Variants in NADK observed in about 807,000 individuals in gnomAD.
NADK encodes the protein NAD kinase.
NADK carries 22 observed loss-of-function variants against 49.8 expected under a neutral mutation model. The observed-to-expected ratio is 0.44, with a 90% CI of 0.32 to 0.63. The LOEUF (loss-of-function observed/expected upper bound fraction) is 0.63, where lower values mean the gene tolerates loss of function less well. Ranked by LOEUF, NADK falls within the 30% of genes least tolerant of loss-of-function variation. NADK has a pLI of 0.06. For missense variants in NADK, 438 were observed against 609.4 expected (o/e 0.72, Z 2.96); for synonymous variants, 268 against 253.7 (o/e 1.06, Z -0.54).
At chr1:1,761,460 T>G (rs1392537183) in intron 3 of NADK, among the ~76,000 whole-genome samples, 2 of 152,208 alleles carry the variant, frequency 1.3e-5, no homozygotes, top group East Asian at 1.9e-4. Context: ...AACACAGATA[T>G]CAGATCGATC....
At chr1:1,773,739 A>AGAGAAATAGAGATATT (rs1646127016) in intron 1 of NADK, among the ~76,000 whole-genome samples, 1 of 150,298 alleles carries the variant, frequency 6.7e-6, no homozygotes, top group Non-Finnish European at 1.5e-5. Flanking sequence ...TGAGAGAGAG[A>AGAGAAATAGAGATATT]GAGAAATAGA....
At chr1:1,765,661 C>T (rs1027664525) in intron 1 of NADK, among the ~76,000 whole-genome samples, 5 of 152,182 alleles carry the variant, frequency 3.3e-5, no homozygotes, top group African/African-American at 1.2e-4. Context: ...CCTGTCATCC[C>T]AGCACTTTGG....
chr1:1,771,693 C>G (rs369366529), intron 1 of NADK, among the ~76,000 whole-genome samples: 8 of 152,130 alleles, frequency 5.3e-5, no homozygotes, highest in East Asian at 1.9e-4. Context: ...TCTAAAAGAA[C>G]GAAGCCCAAC....
Position 1,766,225 on chromosome 1 carries a change from G to A in NADK, c.-40-779C>T, listed in dbSNP as rs113590193. ...GTTTGAGACCAGCCTGACCAACATG[G>A]AGAAACCCCCATCTCTATTAAAATT... On this transcript the variant is annotated intron_variant, in intron 1 of 11. Coordinates refer to ENST00000341426, the MANE Select transcript of NADK (RefSeq NM_023018.5). 4.7e-3 allele frequency among the ~76,000 whole-genome samples: 713 copies of A among 151,858 alleles called. 5 individuals are homozygous for A. The highest frequency in any genetic ancestry group is 0.016 in the African/African-American group (674 of 41,434).
intron 1 of NADK, among the ~76,000 whole-genome samples, chr1:1,766,274 C>T (rs1306261938): frequency 3.3e-5 from 5 of 151,392 alleles, no homozygotes; most frequent in Non-Finnish European, 7.4e-5. Flanking sequence ...GGCGTGGTTG[C>T]GCATGTCTGT....
At position 1,752,923 on chromosome 1, in the gene NADK, T is replaced by TCCA. The variant is rs779795054; in HGVS notation, c.1321_1322insTGG (p.Glu440_Glu441insVal). 1.9e-6 allele frequency: 3 copies of TCCA among 1,600,498 alleles called. No individual in the cohort carries two copies. The highest frequency in any genetic ancestry group is 2.6e-6 in the Non-Finnish European group (3 of 1,173,884). On this transcript the variant is annotated inframe_insertion, in exon 12 of 12. Coordinates refer to ENST00000341426, the MANE Select transcript of NADK (RefSeq NM_023018.5). ...CTTGACCTAGCCCTCCTCCTCCTCC[T>TCCA]CCTCCTCCTCCTCGAAGTGGGCTTG...
intron 1 of NADK, among the ~76,000 whole-genome samples, chr1:1,768,380 A>C (rs1022961424): frequency 2.4e-4 from 36 of 152,018 alleles, no homozygotes; most frequent in African/African-American, 7.5e-4. Flanking sequence ...TCTACAAAAC[A>C]AAAACAAAAA....
At chr1:1,755,593 G>T in intron 6 of NADK, 117 bp from the exon 7 acceptor site, 1 of 771,168 alleles carries the variant, frequency 1.3e-6, no homozygotes, top group Non-Finnish European at 2.2e-6. Context: ...CCGACCCTCT[G>T]CAGGAGGGAC....
At chr1:1,775,042 G>C (rs2100388396) in intron 1 of NADK, among the ~76,000 whole-genome samples, 1 of 152,248 alleles carries the variant, frequency 6.6e-6, no homozygotes, top group South Asian at 2.1e-4. Context: ...CCAGGCGGCA[G>C]AGGTTGCAGT....
chr1:1,753,140 C>T, intron 11 of NADK, 80 bp from the exon 12 acceptor site: 1 of 1,487,920 alleles, frequency 6.7e-7, no homozygotes, highest in Non-Finnish European at 9.1e-7. Context: ...TCCCTCCCTC[C>T]CTGGGAATGG....
intron 11 of NADK, 75 bp downstream of exon 11, chr1:1,753,492 C>T: frequency 3.0e-6 from 4 of 1,317,458 alleles, no homozygotes; most frequent in Non-Finnish European, 4.3e-6. Flanking sequence ...TACAGGCCAA[C>T]CGCAAGAGGG....
chr1:1,759,249 A>C, intron 3 of NADK: 1 of 1,564,714 alleles, frequency 6.4e-7, no homozygotes, highest in Non-Finnish European at 8.7e-7. Flanking sequence ...GTCACCTGCA[A>C]AGCAGGACAC....
chr1:1,766,833 C>T (rs1418864619), intron 1 of NADK, among the ~76,000 whole-genome samples: 1 of 150,888 alleles, frequency 6.6e-6, no homozygotes, highest in Non-Finnish European at 1.5e-5. Context: ...TCTTCAATTC[C>T]TGGCCTCAAG....
intron 2 of NADK, among the ~76,000 whole-genome samples, chr1:1,763,808 C>T (rs1316647461): frequency 1.3e-5 from 2 of 152,038 alleles, no homozygotes; most frequent in African/African-American, 2.4e-5. Flanking sequence ...ACCCTGAAGG[C>T]GCCTGTCACT....
In NADK at chr1:1,752,854, AG is replaced by A; in HGVS notation, c.*49del. ...CACACGCAGATTGGTCTGTCCCCAGAGGGCGCTTGGAGGGCAGCGGAAGGAT... is the reference window on the plus strand; with the variant it reads ...CACACGCAGATTGGTCTGTCCCCAGAGGCGCTTGGAGGGCAGCGGAAGGAT... On this transcript the variant is annotated 3_prime_UTR_variant, in exon 12 of 12. Coordinates refer to ENST00000341426, the MANE Select transcript of NADK (RefSeq NM_023018.5). 6.3e-7 allele frequency: 1 copy of A among 1,584,126 alleles called. No homozygotes were observed. The highest frequency in any genetic ancestry group is 1.2e-5 in the South Asian group (1 of 86,538).
rs925091454 is a variant in NADK, at chr1:1,754,962, C to G, written c.689-264G>C. The G allele has an allele frequency of 2.8e-5, 13 of 459,362 alleles. No homozygotes were observed. Among genetic ancestry groups the G allele is most frequent in the Non-Finnish European group, 5.0e-5 (13 of 258,380 alleles). 28.5% of individuals were successfully genotyped at this position (459,362 alleles called of 1,614,324 possible). On this transcript the variant is annotated intron_variant, in intron 7 of 11. Coordinates refer to ENST00000341426, the MANE Select transcript of NADK (RefSeq NM_023018.5). This position sits in a 1 kb window ranked among gnomAD's most constrained non-coding sequence, Gnocchi z 4.3. ...TCAGCCTCCCAAGTAGCTGGAACTA[C>G]GGGTGCGCACCACCACGCCCAGCTA... is the stretch of plus-strand genomic sequence containing the variant.
chr1:1,758,742 T>G, intron 3 of NADK: 1 of 806,180 alleles, frequency 1.2e-6, no homozygotes, highest in East Asian at 1.3e-4. Context: ...TGAAAAAAAG[T>G]CCTCAGTTCA....
chr1:1,771,973 AT>A (rs34024968), intron 1 of NADK, among the ~76,000 whole-genome samples: 126 of 143,344 alleles, frequency 8.8e-4, no homozygotes, highest in Middle Eastern at 3.5e-3. Flanking sequence ...ACACCTGGAA[AT>A]TTTTTTTTTT....
intron 1 of NADK, among the ~76,000 whole-genome samples, chr1:1,775,621 CA>C (rs1280306712): frequency 6.6e-6 from 1 of 152,198 alleles, no homozygotes; most frequent in East Asian, 1.9e-4. Context: ...TACTTAGGGG[CA>C]GATGAAGAAA....
Sources: gnomAD v4.1 joint callset for allele counts (sites outside exome capture counted in the v4.1 genomes callset) on GRCh38, gnomAD v4.1.1 for gene constraint, Gnocchi (gnomAD v3.1) non-coding constraint, MANE v1.5 for transcripts, NCBI Gene and HGNC (gene_info 2026-07-23, HGNC 2026-07-21) for gene names.